ERBB4: variants seen among roughly 807,000 people sequenced by gnomAD.
ERBB4 encodes the protein receptor tyrosine-protein kinase erbB-4.
Under a neutral mutation model 158.0 loss-of-function variants are expected in ERBB4, and 42 were observed. The observed-to-expected ratio is 0.27, with a 90% CI of 0.21 to 0.34. The LOEUF is 0.34. Ranked by LOEUF, ERBB4 falls within the 10% of genes least tolerant of loss-of-function variation. The pLI, the probability that ERBB4 is intolerant of heterozygous loss-of-function variation, is 1.00. For synonymous variants in ERBB4, 583 were observed against 558.7 expected, an observed-to-expected ratio of 1.04 and a Z score of -0.61; for missense variants, 1,333 against 1,624.1, an observed-to-expected ratio of 0.82 and a Z score of 3.08.
At chr2:211,479,084 G>A (rs1182405162) in intron 20 of ERBB4, among the ~76,000 whole-genome samples, 1 of 152,132 alleles carries the variant, frequency 6.6e-6, no homozygotes, top group Non-Finnish European at 1.5e-5. Context: ...AAACTTGAGA[G>A]TGAATCAGAA....
At chr2:211,611,367 C>T (rs1313828683) in intron 19 of ERBB4, among the ~76,000 whole-genome samples, 1 of 144,722 alleles carries the variant, frequency 6.9e-6, no homozygotes, top group Non-Finnish European at 1.5e-5. Flanking sequence ...GACACCCAAG[C>T]CAGAAAGGCA....
chr2:211,609,864 T>C lies in ERBB4; in HGVS notation c.2301+9313A>G, dbSNP rs56131169. On this transcript the variant is annotated intron_variant, in intron 19 of 27. Transcript: ENST00000342788. ...AACCAGGTAAATAAAAACAGACCTA[T>C]TGTCCATTTCTTTAGTTTCTGTCAG... is the stretch of plus-strand genomic sequence containing the variant. Among the ~76,000 whole-genome samples the C allele has an allele frequency of 6.2e-3, 951 of 152,300 alleles. 12 individuals are homozygous for C. Among genetic ancestry groups the C allele is most frequent in the African/African-American group, 0.021 (857 of 41,562 alleles).
At chr2:211,899,689 C>G (rs2079184181) in intron 3 of ERBB4, among the ~76,000 whole-genome samples, 1 of 152,078 alleles carries the variant, frequency 6.6e-6, no homozygotes, top group Non-Finnish European at 1.5e-5. Context: ...CCAAGACTAG[C>G]ATTCTAGTTT....
chr2:212,394,793 T>G (rs1443397441), intron 1 of ERBB4, among the ~76,000 whole-genome samples: 3 of 152,082 alleles, frequency 2.0e-5, no homozygotes, highest in Non-Finnish European at 4.4e-5. Context: ...AAAACTGAAT[T>G]GAAAAAATAT....
chr2:212,537,207 T>A (rs2106361099), intron 1 of ERBB4, among the ~76,000 whole-genome samples: 1 of 152,026 alleles, frequency 6.6e-6, no homozygotes, highest in South Asian at 2.1e-4. Context: ...AAGGACACCC[T>A]CCGGGGGCCT....
chr2:212,456,614 A>G (rs891284316), intron 1 of ERBB4, among the ~76,000 whole-genome samples: 22 of 151,986 alleles, frequency 1.4e-4, no homozygotes, highest in African/African-American at 4.8e-4. Flanking sequence ...GTTAGGAAAC[A>G]AATATTCTTC....
intron 9 of ERBB4, among the ~76,000 whole-genome samples, chr2:211,706,912 A>G (rs946346465): frequency 6.6e-6 from 1 of 152,238 alleles, no homozygotes; most frequent in Non-Finnish European, 1.5e-5. Flanking sequence ...TTTGATGAAC[A>G]TGAAGCCAAA....
At chr2:211,841,028 T>C (rs1271261715) in intron 3 of ERBB4, among the ~76,000 whole-genome samples, 1 of 152,106 alleles carries the variant, frequency 6.6e-6, no homozygotes, top group Non-Finnish European at 1.5e-5. Flanking sequence ...AATTCTGTTA[T>C]AGTGAAGAAT....
At chr2:211,718,487 A>G (rs1482029122) in intron 7 of ERBB4, among the ~76,000 whole-genome samples, 1 of 152,328 alleles carries the variant, frequency 6.6e-6, no homozygotes, top group East Asian at 1.9e-4. Context: ...TTCAGTTTTT[A>G]TGATTCCATA....
chr2:211,794,912 C>T (rs1233911976), intron 3 of ERBB4, among the ~76,000 whole-genome samples: 1 of 151,804 alleles, frequency 6.6e-6, no homozygotes, highest in Non-Finnish European at 1.5e-5. Flanking sequence ...CTGTAAAAGT[C>T]ACATAGACTC....
chr2:211,861,363 T>TTTTTTTTTTG (rs2078050587), intron 3 of ERBB4, among the ~76,000 whole-genome samples: 2 of 99,766 alleles, frequency 2.0e-5, no homozygotes, highest in Non-Finnish European at 1.9e-5. Flanking sequence ...TTTTTTTTTT[T>TTTTTTTTTTG]TTTTTTACTT....
At chr2:212,116,094 A>T (rs1365709667) in intron 2 of ERBB4, among the ~76,000 whole-genome samples, 1 of 152,020 alleles carries the variant, frequency 6.6e-6, no homozygotes, top group African/African-American at 2.4e-5. Context: ...ATACTTAACT[A>T]GAAACATTAT....
At chr2:212,454,101 C>A (rs1019098171) in intron 1 of ERBB4, among the ~76,000 whole-genome samples, 1 of 151,994 alleles carries the variant, frequency 6.6e-6, no homozygotes, top group African/African-American at 2.4e-5. Context: ...CCACCATGCC[C>A]AGCTAATTTT....
At chr2:211,767,263 A>G (rs1186835109) in intron 4 of ERBB4, among the ~76,000 whole-genome samples, 1 of 152,198 alleles carries the variant, frequency 6.6e-6, no homozygotes. Context: ...ACTCTCACCC[A>G]TTACAGAGTA....
At chr2:212,310,643 G>GTA (rs370352860) in intron 1 of ERBB4, among the ~76,000 whole-genome samples, 24 of 123,540 alleles carry the variant, frequency 1.9e-4, no homozygotes, top group South Asian at 2.5e-4. Flanking sequence ...GTGTGTGTGT[G>GTA]TATATATATA....
At chr2:212,409,794 A>G (rs1051135835) in intron 1 of ERBB4, among the ~76,000 whole-genome samples, 23 of 152,090 alleles carry the variant, frequency 1.5e-4, no homozygotes, top group African/African-American at 4.6e-4. Context: ...GAATGATTCA[A>G]TGAAAATGTT....
chr2:212,496,451 T>G (rs184533749), intron 1 of ERBB4, among the ~76,000 whole-genome samples: 2 of 152,268 alleles, frequency 1.3e-5, no homozygotes, highest in African/African-American at 4.8e-5. Context: ...GACAAAGTAT[T>G]AAAAAAGTAG....
At chr2:212,108,706 C>CTTTTTTT (rs775193964) in intron 2 of ERBB4, among the ~76,000 whole-genome samples, 21 of 97,042 alleles carry the variant, frequency 2.2e-4, no homozygotes, top group African/African-American at 5.5e-4. Context: ...AATGGGTCTG[C>CTTTTTTT]TTTTTTTTTT....
chr2:211,632,529 A>G (rs1226141107), intron 16 of ERBB4, among the ~76,000 whole-genome samples: 3 of 152,084 alleles, frequency 2.0e-5, no homozygotes, highest in African/African-American at 7.2e-5. Flanking sequence ...ATTTTGCAAA[A>G]TAATAGGTGG....
Sources: allele counts gnomAD v4.1 joint callset (sites outside exome capture counted in the v4.1 genomes callset), GRCh38; gene constraint gnomAD v4.1.1; transcripts MANE v1.5; gene names NCBI Gene and HGNC (gene_info 2026-07-23, HGNC 2026-07-21).